Variants in CTNNA3 observed in about 807,000 individuals in gnomAD.
CTNNA3 encodes the protein catenin alpha-3.
Under a neutral mutation model 95.7 loss-of-function variants are expected in CTNNA3, and 76 were observed. The observed-to-expected ratio is 0.79, with a 90% confidence interval of 0.66 to 0.96. The LOEUF (loss-of-function observed/expected upper bound fraction) is 0.96, where lower values mean the gene tolerates loss of function less well. CTNNA3 is among the 40% of genes least tolerant of loss of function. CTNNA3 has a pLI of 0.00. For missense variants in CTNNA3, 1,191 were observed against 1,089.8 expected, an observed-to-expected ratio of 1.09 and a Z score of -1.31; for synonymous variants, 431 against 374.4, an observed-to-expected ratio of 1.15 and a Z score of -1.74.
intron 3 of CTNNA3, among the ~76,000 whole-genome samples, chr10:67,582,726 T>C (rs954723749): frequency 1.6e-4 from 25 of 152,198 alleles, no homozygotes; most frequent in African/African-American, 5.5e-4. Flanking sequence ...GGACTTGCTT[T>C]ATTAATCTGT....
intron 13 of CTNNA3, among the ~76,000 whole-genome samples, chr10:66,210,890 T>C (rs1237863134): frequency 2.6e-5 from 4 of 152,160 alleles, no homozygotes; most frequent in Non-Finnish European, 5.9e-5. Context: ...ACCTTGTACA[T>C]ATAGAAAGCC....
chr10:67,246,173 A>T (rs1589080605), intron 5 of CTNNA3, among the ~76,000 whole-genome samples: 1 of 152,202 alleles, frequency 6.6e-6, no homozygotes, highest in South Asian at 2.1e-4. Flanking sequence ...ATTTTGCCTT[A>T]CTCAAGAACT....
intron 13 of CTNNA3, among the ~76,000 whole-genome samples, chr10:66,180,479 G>A (rs2085981236): frequency 6.6e-6 from 1 of 152,002 alleles, no homozygotes; most frequent in South Asian, 2.1e-4. Flanking sequence ...AACTTCTTTT[G>A]GAAACATAAA....
At chr10:67,688,969 C>T (rs1169403567) in intron 1 of CTNNA3, among the ~76,000 whole-genome samples, 1 of 152,136 alleles carries the variant, frequency 6.6e-6, no homozygotes, top group Non-Finnish European at 1.5e-5. Flanking sequence ...TTTAGTGGCC[C>T]TTACTGATGC....
intron 7 of CTNNA3, among the ~76,000 whole-genome samples, chr10:66,834,459 A>AG (rs1491261465): frequency 6.6e-6 from 1 of 152,222 alleles, no homozygotes; most frequent in Admixed American, 6.5e-5. Flanking sequence ...TGAAATAAAC[A>AG]GTACAGATGC....
At chr10:66,207,903 G>A (rs563886098) in intron 13 of CTNNA3, among the ~76,000 whole-genome samples, 3 of 151,830 alleles carry the variant, frequency 2.0e-5, no homozygotes, top group African/African-American at 7.3e-5. Context: ...AAAAAATATT[G>A]TGCTGTAGTC....
intron 2 of CTNNA3, among the ~76,000 whole-genome samples, chr10:67,620,943 A>G (rs113584890): frequency 0.14 from 19,960 of 146,982 alleles, 2,697 homozygotes; most frequent in African/African-American, 0.33. Context: ...ATATATATAT[A>G]TATATATACA....
At chr10:67,305,893 A>G (rs1840534353) in intron 5 of CTNNA3, among the ~76,000 whole-genome samples, 1 of 152,184 alleles carries the variant, frequency 6.6e-6, no homozygotes, top group Non-Finnish European at 1.5e-5. Context: ...AACACAAGAA[A>G]AACTATTATG....
At chr10:67,300,813 T>C (rs77431137) in intron 5 of CTNNA3, among the ~76,000 whole-genome samples, 1 of 152,184 alleles carries the variant, frequency 6.6e-6, no homozygotes, top group African/African-American at 2.4e-5. Context: ...GTGTATAAAC[T>C]GTTTCTCCTG....
At position 66,069,320 on chromosome 10, in the gene CTNNA3, G is replaced by T; in HGVS notation, c.2147C>A (p.Thr716Lys). 6.2e-7 allele frequency: 1 copy of T among 1,613,128 alleles called. No individual in the cohort carries two copies. Among genetic ancestry groups the T allele is most frequent in the Non-Finnish European group, 8.5e-7 (1 of 1,179,448 alleles). Residue 716 changes from threonine (T) to lysine (K), a missense_variant, in exon 15 of 18, where the codon ACA becomes AAA. By Grantham distance (78) the Thr-to-Lys change is moderately conservative. Coordinates refer to ENST00000433211, the MANE Select transcript of CTNNA3 (RefSeq NM_013266.4). ...KNMCMIMMEM[T>K]DFTRGKGPLK... ...TCCACATAATTACCTAGTGAAGTCT[G>T]TCATCTCCATCATGATCATACACAT...
At chr10:66,508,310 A>G (rs1336536002) in intron 11 of CTNNA3, among the ~76,000 whole-genome samples, 6 of 150,024 alleles carry the variant, frequency 4.0e-5, no homozygotes, top group African/African-American at 1.5e-4. Flanking sequence ...TGCCTCTCCC[A>G]CCAGGCATTG....
intron 7 of CTNNA3, among the ~76,000 whole-genome samples, chr10:67,052,260 A>C (rs1855146216): frequency 6.6e-6 from 1 of 151,368 alleles, no homozygotes; most frequent in African/African-American, 2.4e-5. Context: ...CTTCCTACTC[A>C]GTACAGATGA....
intron 15 of CTNNA3, among the ~76,000 whole-genome samples, chr10:66,016,538 G>C (rs1183467231): frequency 6.6e-6 from 1 of 152,030 alleles, no homozygotes; most frequent in Non-Finnish European, 1.5e-5. Context: ...CAGTAATTTT[G>C]AATTGTTTTG....
At position 67,286,293 on chromosome 10, in the gene CTNNA3, C is replaced by T. The variant is rs151169314; in HGVS notation, c.580-66423G>A. On this transcript the variant is annotated intron_variant, in intron 5 of 17. Coordinates refer to ENST00000433211, the MANE Select transcript of CTNNA3 (RefSeq NM_013266.4). ...ATATTCAATCTATGACTAAATAATG[C>T]CATTTTAAATGACCATGTGTGGGAA... 2.4e-4 allele frequency among the ~76,000 whole-genome samples: 36 copies of T among 152,242 alleles called. 1 individual carries two copies. The highest frequency in any genetic ancestry group is 8.7e-4 in the African/African-American group (36 of 41,552).
intron 2 of CTNNA3, among the ~76,000 whole-genome samples, chr10:67,632,305 A>C (rs1465634608): frequency 7.5e-6 from 1 of 132,774 alleles, no homozygotes; most frequent in African/African-American, 3.8e-5. Context: ...CTGTCCATTA[A>C]ATATATTAAA....
rs192644957 is a variant in CTNNA3, at chr10:67,591,537, T to C, written c.292+15320A>G. Among the ~76,000 whole-genome samples, 43 of 152,150 alleles carry C rather than the reference T, an allele frequency of 2.8e-4. 2 individuals carry two copies. The highest frequency in any genetic ancestry group is 2.6e-3 in the Admixed American group (40 of 15,268). On this transcript the variant is annotated intron_variant, in intron 3 of 17. Coordinates refer to ENST00000433211, the MANE Select transcript of CTNNA3 (RefSeq NM_013266.4). ...AAGTGGAAATTCTTGAACCAAGTAA[T>C]ATAATAAAGATTGAAACAGTTGGAT...
Position 66,936,518 on chromosome 10 carries a change from T to C in CTNNA3, c.1048-160994A>G, listed in dbSNP as rs113361197. Among the ~76,000 whole-genome samples, 1,273 of 152,248 alleles carry C rather than the reference T, an allele frequency of 8.4e-3. 19 individuals are homozygous for C. The highest frequency in any genetic ancestry group is 0.029 in the African/African-American group (1,204 of 41,554). On this transcript the variant is annotated intron_variant, in intron 7 of 17. Transcript: ENST00000433211. ...TTTTGTTTCTCTGTTGTTTTCTGCCTGCAGATCTTAATTCTTTGAGTGCAC... is the reference window on the plus strand; with the variant it reads ...TTTTGTTTCTCTGTTGTTTTCTGCCCGCAGATCTTAATTCTTTGAGTGCAC...
intron 13 of CTNNA3, among the ~76,000 whole-genome samples, chr10:66,180,661 T>C (rs4746553): frequency 0.4 from 61,345 of 152,000 alleles, 13,468 homozygotes; most frequent in African/African-American, 0.59. Context: ...GGGAAACTCA[T>C]GTTTTCATCC....
At chr10:66,786,403 G>C (rs1840747667) in intron 7 of CTNNA3, among the ~76,000 whole-genome samples, 1 of 152,010 alleles carries the variant, frequency 6.6e-6, no homozygotes, top group Non-Finnish European at 1.5e-5. Context: ...CCAGAAAAGG[G>C]GAGAACAATA....
Sources: allele counts gnomAD v4.1 joint callset (sites outside exome capture counted in the v4.1 genomes callset), GRCh38; gene constraint gnomAD v4.1.1; transcripts MANE v1.5; gene names NCBI Gene and HGNC (gene_info 2026-07-23, HGNC 2026-07-21).